The following ZDHHC14 variants were observed in gnomAD, a reference collection of about 807,000 sequenced individuals.
ZDHHC14 encodes zDHHC palmitoyltransferase 14.
A neutral mutation model predicts 47.7 loss-of-function variants in ZDHHC14; 16 were observed. The observed-to-expected ratio is 0.34, with a 90% CI of 0.23 to 0.51. The LOEUF is 0.51. Ranked by LOEUF, ZDHHC14 falls within the 20% of genes least tolerant of loss-of-function variation. The probability of loss-of-function intolerance (pLI) is 0.97; values close to 1 mark genes in which losing one functional copy is unlikely to be tolerated. For missense variants in ZDHHC14, 515 were observed against 662.5 expected (o/e 0.78, Z 2.44); for synonymous variants, 293 against 278.9 (o/e 1.05, Z -0.50).
At chr6:157,558,189 C>T (rs768720575) in intron 2 of ZDHHC14, among the ~76,000 whole-genome samples, 1 of 152,104 alleles carries the variant, frequency 6.6e-6, no homozygotes, top group Non-Finnish European at 1.5e-5. Context: ...GCCCAAGAGC[C>T]CCCTGCAGAC....
At chr6:157,416,991 T>G (rs898896458) in intron 1 of ZDHHC14, among the ~76,000 whole-genome samples, 19 of 137,146 alleles carry the variant, frequency 1.4e-4, no homozygotes, top group African/African-American at 4.6e-4. Context: ...TTTTTTTTTT[T>G]TTTTTTTTTT....
chr6:157,645,648 G>A (rs1163744301), intron 5 of ZDHHC14, 89 bp from the exon 6 acceptor site: 2 of 991,456 alleles, frequency 2.0e-6, no homozygotes, highest in Non-Finnish European at 3.0e-6. Context: ...AGAGAGGCCT[G>A]TGCCCGGGGG....
At chr6:157,410,886 G>A (rs1030165617) in intron 1 of ZDHHC14, among the ~76,000 whole-genome samples, 21 of 151,986 alleles carry the variant, frequency 1.4e-4, no homozygotes, top group Non-Finnish European at 2.9e-4. Flanking sequence ...TAGTAGAGAC[G>A]GGGTTTCACC....
At chr6:157,642,015 A>G (rs1777272377) in intron 5 of ZDHHC14, among the ~76,000 whole-genome samples, 1 of 148,732 alleles carries the variant, frequency 6.7e-6, no homozygotes, top group South Asian at 2.2e-4. Flanking sequence ...GCTTTTGTGT[A>G]TATTTTGAAG....
intron 1 of ZDHHC14, among the ~76,000 whole-genome samples, chr6:157,459,468 A>G (rs913819868): frequency 6.6e-6 from 1 of 152,208 alleles, no homozygotes; most frequent in Non-Finnish European, 1.5e-5. Context: ...CAGAAGAACA[A>G]GACACCTTGT....
intron 1 of ZDHHC14, among the ~76,000 whole-genome samples, chr6:157,432,818 G>A (rs191549364): frequency 6.6e-6 from 1 of 152,182 alleles, no homozygotes; most frequent in African/African-American, 2.4e-5. Flanking sequence ...AAAAAATGGG[G>A]CAGGAAAACA....
intron 8 of ZDHHC14, 123 bp downstream of exon 8, chr6:157,653,750 C>A: frequency 1.2e-6 from 1 of 854,682 alleles, no homozygotes. Context: ...CAGCCGCCCA[C>A]CCCATGACTA....
intron 1 of ZDHHC14, among the ~76,000 whole-genome samples, chr6:157,389,107 T>G (rs1562406091): frequency 6.6e-6 from 1 of 151,658 alleles, no homozygotes; most frequent in Non-Finnish European, 1.5e-5. Context: ...GATAGCATCA[T>G]AGCATAGTAC....
At chr6:157,551,451 T>C (rs1782229965) in intron 2 of ZDHHC14, among the ~76,000 whole-genome samples, 2 of 152,250 alleles carry the variant, frequency 1.3e-5, no homozygotes, top group South Asian at 4.1e-4. Context: ...ATAGCCCTCC[T>C]TTAACTTCCT....
intron 1 of ZDHHC14, among the ~76,000 whole-genome samples, chr6:157,465,701 G>A (rs2114819469): frequency 6.6e-6 from 1 of 152,302 alleles, no homozygotes; most frequent in South Asian, 2.1e-4. Flanking sequence ...CCTGAGGGCA[G>A]GTTGGCCTCT....
At chr6:157,444,312 G>A (rs770369156) in intron 1 of ZDHHC14, among the ~76,000 whole-genome samples, 2 of 152,160 alleles carry the variant, frequency 1.3e-5, no homozygotes, top group Admixed American at 6.5e-5. Context: ...GTTTGGTAGC[G>A]GACACCACGG....
At position 157,485,768 on chromosome 6, in the gene ZDHHC14, C is replaced by G. The variant is rs556898343; in HGVS notation, c.246-56817C>G. ...GCTCATGTCTGTAATCCCAGCACTTCGGGAGGCCAAGGCGGGTGGATCACT... is the reference window on the plus strand; with the variant it reads ...GCTCATGTCTGTAATCCCAGCACTTGGGGAGGCCAAGGCGGGTGGATCACT... On this transcript the variant is annotated intron_variant, in intron 1 of 8. Coordinates refer to ENST00000359775, the MANE Select transcript of ZDHHC14 (RefSeq NM_024630.3). Among the ~76,000 whole-genome samples the G allele has an allele frequency of 7.3e-5, 11 of 151,062 alleles. No individual in the cohort carries two copies. The South Asian group carries it at 1.7e-3, about 23-fold the overall frequency.
At chr6:157,399,488 G>A (rs746094269) in intron 1 of ZDHHC14, among the ~76,000 whole-genome samples, 3 of 152,212 alleles carry the variant, frequency 2.0e-5, no homozygotes, top group African/African-American at 7.2e-5. Flanking sequence ...CTCATAATTT[G>A]TGCCTTTTTG....
chr6:157,489,914 A>G (rs992316229), intron 1 of ZDHHC14, among the ~76,000 whole-genome samples: 1 of 152,122 alleles, frequency 6.6e-6, no homozygotes, highest in Non-Finnish European at 1.5e-5. Flanking sequence ...AGAAGAAAGG[A>G]TTAGCTGGGA....
chr6:157,392,743 C>T (rs1344702302), intron 1 of ZDHHC14, among the ~76,000 whole-genome samples: 4 of 151,864 alleles, frequency 2.6e-5, no homozygotes, highest in African/African-American at 9.7e-5. Context: ...TCTGTTTTTG[C>T]CTTTACCTCC....
chr6:157,477,755 G>A (rs1178650291), intron 1 of ZDHHC14, among the ~76,000 whole-genome samples: 3 of 152,092 alleles, frequency 2.0e-5, no homozygotes, highest in African/African-American at 7.2e-5. Flanking sequence ...GCATAGCTCT[G>A]CACCATACAG....
intron 7 of ZDHHC14, among the ~76,000 whole-genome samples, chr6:157,652,888 T>C (rs931192102): frequency 1.3e-5 from 2 of 151,828 alleles, no homozygotes; most frequent in Non-Finnish European, 2.9e-5. Context: ...CAGAAAGCGA[T>C]GTATGGGGCT....
intron 1 of ZDHHC14, among the ~76,000 whole-genome samples, chr6:157,467,605 A>G (rs999680029): frequency 6.6e-6 from 1 of 151,856 alleles, no homozygotes; most frequent in Non-Finnish European, 1.5e-5. Context: ...GCTGGAGTAC[A>G]GTGACATGAT....
intron 1 of ZDHHC14, among the ~76,000 whole-genome samples, chr6:157,387,744 G>A (rs1468647684): frequency 1.3e-5 from 2 of 152,136 alleles, no homozygotes; most frequent in African/African-American, 4.8e-5. Flanking sequence ...ATGGGGACTC[G>A]CCTTGTTCAC....
Sources: gnomAD v4.1 joint callset for allele counts (sites outside exome capture counted in the v4.1 genomes callset) on GRCh38, gnomAD v4.1.1 for gene constraint, MANE v1.5 for transcripts, NCBI Gene and HGNC (gene_info 2026-07-23, HGNC 2026-07-21) for gene names.